Variants in NECTIN3 observed in about 807,000 individuals in gnomAD.
NECTIN3 encodes nectin cell adhesion molecule 3.
NECTIN3 carries 8 observed loss-of-function variants against 49.4 expected under a neutral mutation model. The ratio of observed to expected loss-of-function variants is 0.16; its 90% CI spans 0.10 to 0.29. NECTIN3 has a LOEUF of 0.29. Ranked by LOEUF, NECTIN3 falls within the 10% of genes least tolerant of loss-of-function variation. The pLI is 1.00. For synonymous variants in NECTIN3, 277 were observed against 241.1 expected, an observed-to-expected ratio of 1.15 and a Z score of -1.38; for missense variants, 581 against 654.6, an observed-to-expected ratio of 0.89 and a Z score of 1.23.
intron 1 of NECTIN3, 48 bp downstream of exon 1, chr3:111,072,225 G>A (rs2107339863): frequency 6.6e-7 from 1 of 1,506,824 alleles, no homozygotes; most frequent in Non-Finnish European, 8.8e-7. Context: ...CCGCCACTGA[G>A]GGTGCGGGCG....
rs544701273 is a variant in NECTIN3 at position 111,177,276 on chromosome 3, T to G, written c.1222-15075T>G. Among the ~76,000 whole-genome samples, 5 of 152,162 alleles carry G rather than the reference T, an allele frequency of 3.3e-5. No individual in the cohort carries two copies. In the South Asian group the frequency reaches 1.0e-3, roughly 31 times the overall value. On this transcript the variant is annotated intron_variant, in intron 7 of 8. Coordinates refer to the NECTIN3 transcript ENST00000493615. ...TATTCATTTATTATTTAAAAATATT[T>G]ATCTAATTTTTCTCTAATCGATATT...
At chr3:111,118,507 T>A in intron 2 of NECTIN3, 149 bp from the exon 3 acceptor site, 1 of 669,372 alleles carries the variant, frequency 1.5e-6, no homozygotes, top group Non-Finnish European at 2.4e-6. Flanking sequence ...TCCAAGAATG[T>A]AATTGACGAT....
At chr3:111,105,654 A>G (rs1461243586) in intron 1 of NECTIN3, among the ~76,000 whole-genome samples, 1 of 152,160 alleles carries the variant, frequency 6.6e-6, no homozygotes, top group Non-Finnish European at 1.5e-5. Context: ...AAGACATTTC[A>G]TTTGTTCCTT....
downstream of NECTIN3, among the ~76,000 whole-genome samples, chr3:111,141,526 T>TA (rs2034744974): frequency 6.6e-6 from 1 of 152,020 alleles, no homozygotes; most frequent in Admixed American, 6.6e-5. Flanking sequence ...AGTCATTTCT[T>TA]ATATTCATTT....
At chr3:111,161,583 C>T (rs2035213263) in intron 7 of NECTIN3, among the ~76,000 whole-genome samples, 2 of 152,162 alleles carry the variant, frequency 1.3e-5, no homozygotes, top group African/African-American at 2.4e-5. Flanking sequence ...CCTGTCAGAT[C>T]AGCAGTGGCA....
At chr3:111,147,672 CTCAG>C (rs1331930326) in intron 7 of NECTIN3, among the ~76,000 whole-genome samples, 1 of 152,028 alleles carries the variant, frequency 6.6e-6, no homozygotes, top group Non-Finnish European at 1.5e-5. Flanking sequence ...TTTTAACATG[CTCAG>C]TCATTTCTCT....
At position 111,118,779 on chromosome 3, in the gene NECTIN3, A is replaced by G. The variant is rs1439301902; in HGVS notation, c.626A>G (p.Asp209Gly). The stretch of plus-strand genomic sequence containing the variant: ...GTTGCACATATTGACTGGGAAGGTG[A>G]TCTTGGTGAAATGGAATCCACTACA... ...KPVAHIDWEGDLGEMESTTTS... is the reference protein window; with the variant it reads ...KPVAHIDWEGGLGEMESTTTS... The change falls in exon 3 of 6, where the codon GAT (aspartate) becomes GGT (glycine). Residue 209 changes from aspartate to glycine, a missense_variant. This residue lies in a region of NECTIN3 where 234 missense variants were observed against 340.6 expected (regional missense o/e 0.69). Transcript: ENST00000485303. The G allele has an allele frequency of 6.2e-7, 1 of 1,614,168 alleles. No individual in the cohort carries two copies. Among genetic ancestry groups the G allele is most frequent in the East Asian group, 2.2e-5 (1 of 44,864 alleles).
At chr3:111,090,598 G>C (rs1227510694) in intron 1 of NECTIN3, among the ~76,000 whole-genome samples, 1 of 120,930 alleles carries the variant, frequency 8.3e-6, no homozygotes, top group Non-Finnish European at 1.8e-5. Flanking sequence ...GTGTGTGTGT[G>C]TCTCATAAGG....
At chr3:111,154,664 T>G (rs1241312663) in intron 7 of NECTIN3, among the ~76,000 whole-genome samples, 4 of 152,294 alleles carry the variant, frequency 2.6e-5, no homozygotes, top group Middle Eastern at 3.4e-3. Flanking sequence ...GGTCAGACAT[T>G]AAAAATTTTA....
intron 1 of NECTIN3, chr3:111,073,075 TAA>T (rs1285577827): frequency 1.3e-5 from 2 of 149,532 alleles, no homozygotes; most frequent in Non-Finnish European, 3.0e-5. Flanking sequence ...GAAATGGACT[TAA>T]GTGGTAATTA....
chr3:111,126,785 G>T (rs1409120947), intron 5 of NECTIN3, among the ~76,000 whole-genome samples: 1 of 152,064 alleles, frequency 6.6e-6, no homozygotes, highest in African/African-American at 2.4e-5. Flanking sequence ...CTTAATATGG[G>T]ACTATACCAT....
intron 1 of NECTIN3, among the ~76,000 whole-genome samples, chr3:111,075,797 TC>T (rs1174481123): frequency 2.6e-5 from 4 of 152,144 alleles, no homozygotes; most frequent in African/African-American, 4.8e-5. Flanking sequence ...AGTTGACTAT[TC>T]CCTTAATGAT....
chr3:111,139,179 A>G (rs1315823900), downstream of NECTIN3, among the ~76,000 whole-genome samples: 1 of 151,698 alleles, frequency 6.6e-6, no homozygotes, highest in Non-Finnish European at 1.5e-5. Flanking sequence ...TTAGAAAGTA[A>G]CCACAGTATC....
At chr3:111,098,988 A>G (rs908412869) in intron 1 of NECTIN3, among the ~76,000 whole-genome samples, 22 of 149,578 alleles carry the variant, frequency 1.5e-4, no homozygotes, top group African/African-American at 4.2e-4. Flanking sequence ...TTCTGGCCTT[A>G]TCTCCTGTCA....
At chr3:111,151,521 T>C (rs185755347) in intron 7 of NECTIN3, among the ~76,000 whole-genome samples, 1 of 151,876 alleles carries the variant, frequency 6.6e-6, no homozygotes. Flanking sequence ...TCAGTGAATA[T>C]TATTTTTGTT....
chr3:111,173,431 C>G (rs2035469490), intron 7 of NECTIN3, among the ~76,000 whole-genome samples: 1 of 152,180 alleles, frequency 6.6e-6, no homozygotes. Context: ...TCATGGCAGT[C>G]CTATACCTTC....
At chr3:111,106,265 T>C (rs1161569911) in intron 1 of NECTIN3, among the ~76,000 whole-genome samples, 1 of 152,194 alleles carries the variant, frequency 6.6e-6, no homozygotes, top group Non-Finnish European at 1.5e-5. Context: ...TGGCACAAAT[T>C]GTTCACCCAA....
intron 5 of NECTIN3, among the ~76,000 whole-genome samples, chr3:111,127,353 T>C (rs2034203835): frequency 6.6e-6 from 1 of 152,240 alleles, no homozygotes; most frequent in South Asian, 2.1e-4. Context: ...TGTATGCTCA[T>C]TTCTTTGCTT....
At chr3:111,193,876 A>G (rs1456264407) in intron 1 of NECTIN3, among the ~76,000 whole-genome samples, 2 of 152,216 alleles carry the variant, frequency 1.3e-5, no homozygotes, top group Non-Finnish European at 2.9e-5. Flanking sequence ...CTGTGTACAA[A>G]CAGAGGCCTG....
Sources: allele counts gnomAD v4.1 joint callset (sites outside exome capture counted in the v4.1 genomes callset), GRCh38; gene constraint gnomAD v4.1.1; regional missense constraint gnomAD v4.1.1; transcripts MANE v1.5; gene names NCBI Gene and HGNC (gene_info 2026-07-23, HGNC 2026-07-21).